CCDC102B: variants seen among roughly 807,000 people sequenced by gnomAD.
CCDC102B encodes the protein coiled-coil domain-containing protein 102B.
A neutral mutation model predicts 57.4 loss-of-function variants in CCDC102B; 75 were observed. That is an observed-to-expected ratio of 1.31 (90% confidence interval 1.08 to 1.58). The LOEUF is 1.58. CCDC102B is among the 40% of genes most tolerant of loss of function. CCDC102B has a pLI of 0.00. For synonymous variants in CCDC102B, 206 were observed against 201.9 expected, an observed-to-expected ratio of 1.02 and a Z score of -0.17; for missense variants, 636 against 582.6, an observed-to-expected ratio of 1.09 and a Z score of -0.94.
At chr18:68,892,754 A>G (rs2040123495) in intron 5 of CCDC102B, among the ~76,000 whole-genome samples, 1 of 152,240 alleles carries the variant, frequency 6.6e-6, no homozygotes, top group African/African-American at 2.4e-5. Flanking sequence ...CATCTAAATA[A>G]GTCTAGCAAA....
At chr18:68,902,825 T>C (rs2040500421) in intron 6 of CCDC102B, among the ~76,000 whole-genome samples, 1 of 152,234 alleles carries the variant, frequency 6.6e-6, no homozygotes, top group South Asian at 2.1e-4. Context: ...TTGCAGTTTT[T>C]GCAATTGTCT....
At chr18:68,738,973 T>C (rs9748380) in intron 2 of CCDC102B, among the ~76,000 whole-genome samples, 10,248 of 146,756 alleles carry the variant, frequency 0.07, 468 homozygotes, top group East Asian at 0.087. Flanking sequence ...CCTCTGGCCA[T>C]TGGACTGTAG....
chr18:68,897,798 A>G, intron 6 of CCDC102B: 1 of 399,064 alleles, frequency 2.5e-6, no homozygotes, highest in Non-Finnish European at 4.4e-6. Flanking sequence ...GCGACTATAC[A>G]ATAAGCATTT....
intron 6 of CCDC102B, among the ~76,000 whole-genome samples, chr18:69,002,872 A>G (rs537261135): frequency 6.6e-6 from 1 of 152,290 alleles, no homozygotes; most frequent in East Asian, 1.9e-4. Context: ...CTGTCTGCCC[A>G]CAACTAAATC....
intron 5 of CCDC102B, among the ~76,000 whole-genome samples, chr18:68,876,628 ACT>A (rs1220698689): frequency 6.6e-6 from 1 of 152,208 alleles, no homozygotes; most frequent in Admixed American, 6.5e-5. Flanking sequence ...ATTTTCAATT[ACT>A]GAGAATATGA....
At chr18:68,950,764 A>C (rs1275074088) in intron 6 of CCDC102B, among the ~76,000 whole-genome samples, 2 of 152,168 alleles carry the variant, frequency 1.3e-5, no homozygotes, top group African/African-American at 2.4e-5. Context: ...AGCATTATGC[A>C]TATGTGTATG....
intron 7 of CCDC102B, among the ~76,000 whole-genome samples, chr18:69,043,121 T>C (rs2052473085): frequency 6.6e-6 from 1 of 152,040 alleles, no homozygotes; most frequent in South Asian, 2.1e-4. Context: ...TGAACAAAGG[T>C]CTTTGCATCA....
chr18:68,736,221 T>A (rs1324773131), intron 2 of CCDC102B, among the ~76,000 whole-genome samples: 1 of 152,208 alleles, frequency 6.6e-6, no homozygotes, highest in African/African-American at 2.4e-5. Context: ...AGTATAAAAC[T>A]ACCCAGTGGA....
In CCDC102B at chr18:68,897,408, G is replaced by T; in HGVS notation, c.1243G>T (p.Asp415Tyr). 1.2e-6 allele frequency: 2 copies of T among 1,610,636 alleles called. No homozygotes were observed. Among genetic ancestry groups the T allele is most frequent in the South Asian group, 1.1e-5 (1 of 90,806 alleles). ...TCCTGATTTCAAGATGTCACAAATTGATCTGCAAGAAAAAAACCAGGTATG... is the reference window on the plus strand; with the variant it reads ...TCCTGATTTCAAGATGTCACAAATTTATCTGCAAGAAAAAAACCAGGTATG... ...QSPDFKMSQI[D>Y]LQEKNQELLN... Residue 415 changes from aspartate (D) to tyrosine (Y), a missense_variant, in exon 6 of 8, where the codon GAT (aspartate) becomes TAT (tyrosine). Physicochemically the swap from Asp to Tyr is radical, Grantham distance 160 (BLOSUM62 -3). Coordinates refer to ENST00000360242, the MANE Select transcript of CCDC102B (RefSeq NM_024781.3).
intron 6 of CCDC102B, among the ~76,000 whole-genome samples, chr18:68,946,431 T>A (rs1009641648): frequency 6.6e-6 from 1 of 152,042 alleles, no homozygotes; most frequent in African/African-American, 2.4e-5. Flanking sequence ...TAAATATATT[T>A]AACAGAACAG....
chr18:68,753,999 G>C (rs2033956365), intron 2 of CCDC102B: 1 of 151,988 alleles, frequency 6.6e-6, no homozygotes, highest in African/African-American at 2.4e-5. Flanking sequence ...GTTGTGTACA[G>C]ACAGGTTAAA....
intron 2 of CCDC102B, among the ~76,000 whole-genome samples, chr18:68,722,792 C>T (rs2032408896): frequency 1.3e-5 from 2 of 151,884 alleles, no homozygotes; most frequent in Admixed American, 6.6e-5. Flanking sequence ...ATATACTTGG[C>T]TTGTCTAAGA....
At chr18:68,842,206 CT>C (rs200102697) in intron 3 of CCDC102B, among the ~76,000 whole-genome samples, 1,908 of 149,338 alleles carry the variant, frequency 0.013, 43 homozygotes, top group African/African-American at 0.044. Flanking sequence ...CAGATTTCTA[CT>C]TTACATATTT....
intron 5 of CCDC102B, among the ~76,000 whole-genome samples, chr18:68,879,163 G>A (rs35845516): frequency 0.028 from 4,307 of 151,724 alleles, 95 homozygotes; most frequent in Non-Finnish European, 0.043. Flanking sequence ...GCAGATCTTC[G>A]CGGCGAGTGT....
In CCDC102B at chr18:68,836,146, T is replaced by C. The variant is rs146007511; in HGVS notation, c.-15-603T>C. Among the ~76,000 whole-genome samples the C allele has an allele frequency of 2.7e-4, 41 of 152,350 alleles. 1 individual carries two copies. In the East Asian group the frequency reaches 6.2e-3, roughly 23 times the overall value. On this transcript the variant is annotated intron_variant, in intron 1 of 7. Coordinates refer to ENST00000360242, the MANE Select transcript of CCDC102B (RefSeq NM_024781.3). ...TATTTCGTAGTGGACAATGTTACAA[T>C]AGATATGACCTAAGTAGAACTGGAA... is the stretch of plus-strand genomic sequence containing the variant.
chr18:68,950,148 A>G (rs748536627), intron 6 of CCDC102B, among the ~76,000 whole-genome samples: 1 of 152,162 alleles, frequency 6.6e-6, no homozygotes, highest in African/African-American at 2.4e-5. Context: ...GAACTTGCTT[A>G]GGACCCTTGA....
At chr18:68,718,400 A>G (rs1032565095) in intron 2 of CCDC102B, among the ~76,000 whole-genome samples, 5 of 152,230 alleles carry the variant, frequency 3.3e-5, no homozygotes, top group Non-Finnish European at 7.3e-5. Flanking sequence ...TGTTGAACAG[A>G]AGAAGCCAGA....
At chr18:68,874,877 CT>C (rs2039384351) in intron 5 of CCDC102B, 92 bp downstream of exon 5, 1 of 743,342 alleles carries the variant, frequency 1.3e-6, no homozygotes, top group African/African-American at 1.8e-5. Flanking sequence ...ACGGTCGTGC[CT>C]TTGGTTACTT....
chr18:68,810,671 C>CTTTGTTTGTTTTTTTTTTTT lies in CCDC102B; in HGVS notation c.-16+12493_-16+12494insGTTTGTTTTTTTTTTTTTTT, dbSNP rs1568263108. On this transcript the variant is annotated intron_variant, in intron 1 of 7. Transcript: ENST00000360242. ...AGACGGTTTTGAAAAATTTTCTTTTCTTTTCTTTGTTTTTTTTTTTTTTTT... is the reference window on the plus strand; with the variant it reads ...AGACGGTTTTGAAAAATTTTCTTTTCTTTGTTTGTTTTTTTTTTTTTTTTCTTTGTTTTTTTTTTTTTTTT... Among the ~76,000 whole-genome samples, 2 of 70,060 alleles carry CTTTGTTTGTTTTTTTTTTTT rather than the reference C, an allele frequency of 2.9e-5. 1 individual carries two copies. Among genetic ancestry groups the CTTTGTTTGTTTTTTTTTTTT allele is most frequent in the East Asian group, 7.4e-4 (2 of 2,712 alleles). 46.0% of individuals were successfully genotyped at this position (70,060 alleles called of 152,430 possible).
Sources: gnomAD v4.1 joint callset for allele counts (sites outside exome capture counted in the v4.1 genomes callset) on GRCh38, gnomAD v4.1.1 for gene constraint, MANE v1.5 for transcripts, NCBI Gene and HGNC (gene_info 2026-07-23, HGNC 2026-07-21) for gene names.